The following OSBPL1A variants were observed in gnomAD, a reference collection of about 807,000 sequenced individuals.
The protein encoded by OSBPL1A is oxysterol binding protein like 1A.
In OSBPL1A, 80 loss-of-function variants were observed where a neutral mutation model predicts 137.1. The ratio of observed to expected loss-of-function variants is 0.58; its 90% confidence interval spans 0.49 to 0.70. OSBPL1A has a LOEUF of 0.70. Among genes scored for constraint, OSBPL1A ranks in the 30% least tolerant of loss-of-function variants. OSBPL1A has a pLI of 0.00. For missense variants in OSBPL1A, 970 were observed against 1,129.4 expected (o/e 0.86, Z 2.02); for synonymous variants, 365 against 389.7 (o/e 0.94, Z 0.75).
chr18:24,175,653 T>G (rs1383708891), intron 21 of OSBPL1A, among the ~76,000 whole-genome samples: 3 of 152,220 alleles, frequency 2.0e-5, no homozygotes, highest in Non-Finnish European at 2.9e-5. Context: ...AACATCTAAT[T>G]TATCACTTTT....
chr18:24,357,443 A>T (rs992337224), intron 4 of OSBPL1A: 6 of 152,144 alleles, frequency 3.9e-5, no homozygotes, highest in Non-Finnish European at 8.8e-5. Context: ...GGCCTGGGTG[A>T]CTGCACCTGT....
chr18:24,222,164 T>C (rs1463488976), intron 17 of OSBPL1A, among the ~76,000 whole-genome samples: 1 of 152,194 alleles, frequency 6.6e-6, no homozygotes. Flanking sequence ...TTTCTTCTAT[T>C]TGTGATTTGC....
intron 15 of OSBPL1A, among the ~76,000 whole-genome samples, chr18:24,259,116 T>G (rs2089373616): frequency 6.6e-6 from 1 of 151,958 alleles, no homozygotes; most frequent in South Asian, 2.1e-4. Context: ...AGACGGGGTT[T>G]CACCATGGTC....
intron 15 of OSBPL1A, among the ~76,000 whole-genome samples, chr18:24,253,174 G>GGGGGA (rs1555638416): frequency 7.6e-6 from 1 of 131,758 alleles, no homozygotes; most frequent in Non-Finnish European, 1.6e-5. Flanking sequence ...TGGCGGGGGG[G>GGGGGA]GGCGCTGAAT....
At chr18:24,378,756 C>T (rs560536979) in intron 1 of OSBPL1A, among the ~76,000 whole-genome samples, 3 of 152,286 alleles carry the variant, frequency 2.0e-5, no homozygotes, top group South Asian at 2.1e-4. Context: ...TTGCCCTAAT[C>T]GGCATTTCTT....
intron 4 of OSBPL1A, among the ~76,000 whole-genome samples, chr18:24,341,888 T>A (rs1007981363): frequency 6.6e-6 from 1 of 152,198 alleles, no homozygotes; most frequent in Non-Finnish European, 1.5e-5. Context: ...CTTCTATAAT[T>A]GATTTTTATG....
chr18:24,259,346 TC>T (rs2089380863), intron 15 of OSBPL1A, among the ~76,000 whole-genome samples: 1 of 152,170 alleles, frequency 6.6e-6, no homozygotes, highest in Non-Finnish European at 1.5e-5. Context: ...TGCTAATTTC[TC>T]CCAATAGCTA....
intron 4 of OSBPL1A, among the ~76,000 whole-genome samples, chr18:24,349,065 G>T (rs1023008582): frequency 2.0e-5 from 3 of 152,118 alleles, no homozygotes; most frequent in African/African-American, 7.2e-5. Context: ...TATTTGGGGG[G>T]CTGAGCTGGG....
At chr18:24,307,703 G>C (rs1209100901) in intron 13 of OSBPL1A, among the ~76,000 whole-genome samples, 1 of 152,160 alleles carries the variant, frequency 6.6e-6, no homozygotes, top group Non-Finnish European at 1.5e-5. Flanking sequence ...TTCTTGCATG[G>C]ATGTACCAAT....
rs1477921401 is a variant in OSBPL1A at position 24,397,639 on chromosome 18, G to C, written c.-3+16C>G. 6.6e-6 allele frequency: 1 copy of C among 152,270 alleles called. No individual in the cohort carries two copies. The highest frequency in any genetic ancestry group is 2.4e-5 in the African/African-American group (1 of 41,462). The allele number at this position is 152,270 out of a possible 1,614,324, so 9.4% of individuals were successfully genotyped here. On this transcript the variant is annotated intron_variant, in intron 1 of 27. Transcript: ENST00000319481. ...CGGCCTCGAACTCCAGGCGTGGACA[G>C]CCGCGAGAAACTGACCTACGCGGTC...
chr18:24,320,488 G>GA (rs1452048967), intron 7 of OSBPL1A, among the ~76,000 whole-genome samples: 1 of 152,086 alleles, frequency 6.6e-6, no homozygotes, highest in African/African-American at 2.4e-5. Flanking sequence ...AAAATACAGG[G>GA]AAGGACATTC....
chr18:24,206,866 C>A (rs16960593), intron 17 of OSBPL1A, among the ~76,000 whole-genome samples: 3,509 of 152,248 alleles, frequency 0.023, 126 homozygotes, highest in African/African-American at 0.079. Flanking sequence ...CTGTTTTTTA[C>A]ATATCTGCCA....
At chr18:24,270,573 G>A (rs1301503289) in intron 15 of OSBPL1A, among the ~76,000 whole-genome samples, 2 of 152,152 alleles carry the variant, frequency 1.3e-5, no homozygotes, top group African/African-American at 4.8e-5. Flanking sequence ...CTGGGACAGA[G>A]GCTGAAATAG....
chr18:24,370,979 C>CA (rs375851389), intron 2 of OSBPL1A, among the ~76,000 whole-genome samples: 1 of 152,104 alleles, frequency 6.6e-6, no homozygotes, highest in African/African-American at 2.4e-5. Flanking sequence ...TAATGACTTT[C>CA]ATGTATATGT....
At chr18:24,282,315 TA>T (rs559717317) in intron 14 of OSBPL1A, among the ~76,000 whole-genome samples, 60 of 152,066 alleles carry the variant, frequency 3.9e-4, no homozygotes, top group South Asian at 2.3e-3. Flanking sequence ...AAGCAAGTAA[TA>T]AAAAAAATTA....
intron 4 of OSBPL1A, among the ~76,000 whole-genome samples, chr18:24,343,387 G>A (rs1432271520): frequency 6.6e-6 from 1 of 152,106 alleles, no homozygotes; most frequent in Non-Finnish European, 1.5e-5. Flanking sequence ...ATATTGTTAA[G>A]AGGAGAATAC....
At chr18:24,386,118 A>G (rs576000006) in intron 1 of OSBPL1A, among the ~76,000 whole-genome samples, 1 of 152,294 alleles carries the variant, frequency 6.6e-6, no homozygotes, top group East Asian at 1.9e-4. Flanking sequence ...TAGGTGCCTG[A>G]GGAGGAGAGA....
intron 1 of OSBPL1A, among the ~76,000 whole-genome samples, chr18:24,396,917 T>A (rs1454729767): frequency 6.6e-6 from 1 of 152,206 alleles, no homozygotes; most frequent in African/African-American, 2.4e-5. Flanking sequence ...TAAAGCTGAT[T>A]TAATTATATT....
At chr18:24,257,509 C>T (rs2089317326) in intron 15 of OSBPL1A, among the ~76,000 whole-genome samples, 1 of 152,150 alleles carries the variant, frequency 6.6e-6, no homozygotes. Flanking sequence ...AATCTAAGAC[C>T]TCAGACTATG....
Sources: gnomAD v4.1 joint callset for allele counts (sites outside exome capture counted in the v4.1 genomes callset) on GRCh38, gnomAD v4.1.1 for gene constraint, MANE v1.5 for transcripts, NCBI Gene and HGNC (gene_info 2026-07-23, HGNC 2026-07-21) for gene names.